GNG2: variants seen among roughly 807,000 people sequenced by gnomAD.
GNG2 encodes guanine nucleotide-binding protein G(I)/G(S)/G(O) subunit gamma-2.
A neutral mutation model predicts 5.5 loss-of-function variants in GNG2; 5 were observed. The ratio of observed to expected loss-of-function variants is 0.91; its 90% confidence interval spans 0.48 to 1.92. The LOEUF is 1.92. GNG2 is among the 30% of genes most tolerant of loss of function. GNG2 has a pLI of 0.01. For missense variants in GNG2, 55 were observed against 88.4 expected (o/e 0.62, Z 1.52); for synonymous variants, 28 against 32.0 (o/e 0.88, Z 0.42).
intron 2 of GNG2, among the ~76,000 whole-genome samples, chr14:51,912,274 A>G (rs1262779443): frequency 6.6e-6 from 1 of 152,178 alleles, no homozygotes; most frequent in African/African-American, 2.4e-5. Context: ...AAGAATGGCC[A>G]GAAAAGGAAG....
intron 2 of GNG2, among the ~76,000 whole-genome samples, chr14:51,943,880 A>G (rs570063780): frequency 6.6e-6 from 1 of 152,366 alleles, no homozygotes; most frequent in South Asian, 2.1e-4. Context: ...AGCAATGGAC[A>G]AATTCACTGC....
chr14:51,893,521 C>T (rs977320354), intron 2 of GNG2, among the ~76,000 whole-genome samples: 3 of 152,192 alleles, frequency 2.0e-5, no homozygotes, highest in African/African-American at 7.2e-5. Flanking sequence ...GCAGTTATTT[C>T]TTTCCCAGCC....
At chr14:51,851,838 A>G (rs1311561129) in intron 2 of GNG2, among the ~76,000 whole-genome samples, 2 of 152,194 alleles carry the variant, frequency 1.3e-5, no homozygotes, top group South Asian at 4.1e-4. Context: ...ATTTGTGGTT[A>G]TTGCTGCCAC....
At chr14:51,900,494 A>C (rs1566674012) in intron 2 of GNG2, among the ~76,000 whole-genome samples, 1 of 151,278 alleles carries the variant, frequency 6.6e-6, no homozygotes, top group Admixed American at 6.6e-5. Flanking sequence ...CAGGGCAATA[A>C]AACCATAAGC....
At chr14:51,832,138 G>A (rs758937064) in intron 2 of GNG2, among the ~76,000 whole-genome samples, 2 of 140,370 alleles carry the variant, frequency 1.4e-5, no homozygotes, top group Non-Finnish European at 3.1e-5. Context: ...AAATTAGTCG[G>A]GCATGGTGGC....
At chr14:51,951,619 A>T (rs1255673766) in intron 3 of GNG2, among the ~76,000 whole-genome samples, 1 of 152,228 alleles carries the variant, frequency 6.6e-6, no homozygotes, top group Non-Finnish European at 1.5e-5. Context: ...ATGCCCTTTT[A>T]AAACTAGAAT....
chr14:51,902,719 C>T (rs985128991), intron 2 of GNG2, among the ~76,000 whole-genome samples: 1 of 152,074 alleles, frequency 6.6e-6, no homozygotes, highest in Non-Finnish European at 1.5e-5. Flanking sequence ...TAGAGAGACA[C>T]TGTCTGTACA....
chr14:51,942,571 C>CTTTTTCTTTCTTTCTTTCTTTCTT (rs142157409), intron 2 of GNG2, among the ~76,000 whole-genome samples: 1,047 of 55,540 alleles, frequency 0.019, 66 homozygotes, highest in Admixed American at 0.077. Context: ...TTTATTTTTT[C>CTTTTTCTTTCTTTCTTTCTTTCTT]TCTTTCTTTC....
rs1056642877 is a variant in GNG2, at chr14:51,968,101, G to A, written c.*1414G>A. The A allele has an allele frequency of 4.6e-5, 7 of 152,130 alleles. No homozygotes were observed. The highest frequency in any genetic ancestry group is 1.2e-4 in the African/African-American group (5 of 41,404). 9.4% of individuals were successfully genotyped at this position (152,130 alleles called of 1,614,324 possible). A position where few individuals can be genotyped will look rare whatever the true frequency, so the allele number is the denominator to read the frequency against. The stretch of plus-strand genomic sequence containing the variant: ...TTTGTTCTCCATCTTGTTTGTTAGA[G>A]TCTCTCGGCCTTTATTTACAAATTC... On this transcript the variant is annotated 3_prime_UTR_variant, in exon 4 of 4. Transcript: ENST00000556766.
At chr14:51,928,764 T>A (rs1887487746) in intron 2 of GNG2, among the ~76,000 whole-genome samples, 1 of 152,212 alleles carries the variant, frequency 6.6e-6, no homozygotes. Context: ...TATTTATGAC[T>A]AATGCCTGGT....
intron 2 of GNG2, among the ~76,000 whole-genome samples, chr14:51,879,943 G>T (rs995412319): frequency 6.6e-6 from 1 of 152,170 alleles, no homozygotes; most frequent in Non-Finnish European, 1.5e-5. Context: ...TAATCCTTCA[G>T]AAAGGTAGAA....
At chr14:51,847,699 C>T (rs2748138) in intron 2 of GNG2, among the ~76,000 whole-genome samples, 82,515 of 151,824 alleles carry the variant, frequency 0.54, 24,054 homozygotes, top group East Asian at 0.82. Flanking sequence ...GCCATGGACC[C>T]TCAGAAGGCC....
intron 2 of GNG2, among the ~76,000 whole-genome samples, chr14:51,895,103 G>A (rs1253624855): frequency 1.3e-5 from 2 of 149,996 alleles, no homozygotes; most frequent in African/African-American, 4.9e-5. Context: ...GAAATAAAAA[G>A]CCATTTAGTG....
In GNG2 at chr14:51,969,325, TA is replaced by T. The variant is rs1890096161; in HGVS notation, c.*2643del. 6.6e-6 allele frequency: 1 copy of T among 152,036 alleles called. No homozygotes were observed. Among genetic ancestry groups the T allele is most frequent in the African/African-American group, 2.4e-5 (1 of 41,300 alleles). The allele number at this position is 152,036 out of a possible 1,614,324, so 9.4% of individuals were successfully genotyped here. A position where few individuals can be genotyped will look rare whatever the true frequency, so the allele number is the denominator to read the frequency against. Reference sequence around the variant, plus strand: ...ATGATCCTCAATATCAACTCCAGTTTAAAAAGTGTTATTTTTAAAACATTTG... The same window carrying T: ...ATGATCCTCAATATCAACTCCAGTTTAAAAGTGTTATTTTTAAAACATTTG... On this transcript the variant is annotated 3_prime_UTR_variant, in exon 4 of 4. Transcript: ENST00000556766.
At chr14:51,840,766 C>T (rs1007995095) in intron 2 of GNG2, among the ~76,000 whole-genome samples, 1 of 152,226 alleles carries the variant, frequency 6.6e-6, no homozygotes, top group Non-Finnish European at 1.5e-5. Flanking sequence ...AAATGACTGC[C>T]TTTTAGCACA....
chr14:51,950,554 C>G, intron 2 of GNG2, 96 bp from the exon 3 acceptor site: 1 of 731,548 alleles, frequency 1.4e-6, no homozygotes, highest in Non-Finnish European at 2.3e-6. Context: ...GGCCTGGCTA[C>G]AGCCACTGCT....
chr14:51,913,729 G>A (rs1594907788), intron 2 of GNG2, among the ~76,000 whole-genome samples: 1 of 152,200 alleles, frequency 6.6e-6, no homozygotes, highest in Non-Finnish European at 1.5e-5. Flanking sequence ...TAAGCACAGA[G>A]CTCTTAGTAC....
intron 3 of GNG2, among the ~76,000 whole-genome samples, chr14:51,955,134 A>G (rs890034055): frequency 2.0e-5 from 3 of 152,190 alleles, no homozygotes; most frequent in Non-Finnish European, 4.4e-5. Context: ...ATTGCTTCTT[A>G]ACTAATTGGC....
At chr14:51,959,038 CACTT>C (rs1183711498) in intron 3 of GNG2, among the ~76,000 whole-genome samples, 1 of 152,148 alleles carries the variant, frequency 6.6e-6, no homozygotes, top group Non-Finnish European at 1.5e-5. Flanking sequence ...TGCCTTGAAA[CACTT>C]TCTTTATTTG....
Sources: allele counts gnomAD v4.1 joint callset (sites outside exome capture counted in the v4.1 genomes callset), GRCh38; gene constraint gnomAD v4.1.1; transcripts MANE v1.5; gene names NCBI Gene and HGNC (gene_info 2026-07-23, HGNC 2026-07-21).